The following LARS2 variants were observed in gnomAD, a reference collection of about 807,000 sequenced individuals.
LARS2 encodes leucine--tRNA ligase, mitochondrial.
In LARS2, 81 loss-of-function variants were observed where a neutral mutation model predicts 116.6. The ratio of observed to expected loss-of-function variants is 0.69; its 90% confidence interval spans 0.58 to 0.84. LARS2 has a LOEUF of 0.84. Among genes scored for constraint, LARS2 ranks in the 40% least tolerant of loss-of-function variants. The pLI is 0.00. For missense variants in LARS2, 968 were observed against 1,114.5 expected, an observed-to-expected ratio of 0.87 and a Z score of 1.87; for synonymous variants, 396 against 407.2, an observed-to-expected ratio of 0.97 and a Z score of 0.33.
chr3:45,408,301 C>T (rs530512023), intron 4 of LARS2, among the ~76,000 whole-genome samples: 3 of 152,244 alleles, frequency 2.0e-5, no homozygotes, highest in South Asian at 2.1e-4. Context: ...ATGTGGCTAC[C>T]GGGCCTCACC....
chr3:45,511,808 C>T (rs1285196379), intron 15 of LARS2, among the ~76,000 whole-genome samples: 25 of 123,810 alleles, frequency 2.0e-4, no homozygotes, highest in African/African-American at 6.5e-4. Flanking sequence ...GACAGAGTCT[C>T]GCTCTGTCTC....
At chr3:45,502,371 A>G (rs1700135054) in intron 15 of LARS2, among the ~76,000 whole-genome samples, 1 of 152,032 alleles carries the variant, frequency 6.6e-6, no homozygotes, top group Non-Finnish European at 1.5e-5. Flanking sequence ...TTTGATGAAC[A>G]GAAACTCTTA....
intron 16 of LARS2, among the ~76,000 whole-genome samples, chr3:45,514,717 G>C (rs1700346247): frequency 6.6e-6 from 1 of 152,210 alleles, no homozygotes. Context: ...CCAAACGAGG[G>C]TGACTTTTTC....
At chr3:45,439,252 C>T (rs1401221054) in intron 6 of LARS2, among the ~76,000 whole-genome samples, 4 of 113,408 alleles carry the variant, frequency 3.5e-5, no homozygotes, top group African/African-American at 1.3e-4. Flanking sequence ...GACAGTGTCT[C>T]ACTCCATCGC....
chr3:45,448,833 C>A (rs1699064722), intron 7 of LARS2, among the ~76,000 whole-genome samples: 2 of 152,202 alleles, frequency 1.3e-5, no homozygotes, highest in African/African-American at 4.8e-5. Context: ...TCTGATAAAC[C>A]CACAATCTTC....
intron 20 of LARS2, among the ~76,000 whole-genome samples, chr3:45,525,482 T>C (rs987478622): frequency 6.6e-6 from 1 of 152,164 alleles, no homozygotes; most frequent in Non-Finnish European, 1.5e-5. Flanking sequence ...TCCTAAAACC[T>C]GGGTAAGGAT....
intron 4 of LARS2, among the ~76,000 whole-genome samples, chr3:45,400,679 T>A (rs562682531): frequency 1.3e-5 from 2 of 152,316 alleles, no homozygotes; most frequent in Non-Finnish European, 2.9e-5. Flanking sequence ...TACTCACCCA[T>A]GAGTAGAGAA....
At chr3:45,502,993 G>A (rs1700144455) in intron 15 of LARS2, among the ~76,000 whole-genome samples, 1 of 151,810 alleles carries the variant, frequency 6.6e-6, no homozygotes, top group Non-Finnish European at 1.5e-5. Context: ...CACTCATGAT[G>A]CCTAGTTCTT....
Position 45,488,704 on chromosome 3 carries a change from C to A in LARS2, c.1131C>A (p.Pro377=), listed in dbSNP as rs144183054. 6.2e-7 allele frequency: 1 copy of A among 1,601,310 alleles called. No individual in the cohort carries two copies. Among genetic ancestry groups the A allele is most frequent in the Non-Finnish European group, 8.6e-7 (1 of 1,168,282 alleles). Residue 377 remains proline, a synonymous_variant, in exon 12 of 22, where the codon CCC becomes CCA. Transcript: ENST00000645846. ...EGSLDSKIGI[P]STSSEDTILA... The stretch of plus-strand genomic sequence containing the variant: ...TTCTTCTCCTCTGAATAGGAATTCC[C>A]AGTACTAGCTCAGAGGACACCATCT...
rs773170733 is a variant in LARS2, at chr3:45,517,995, C to T, written c.2137C>T (p.Gln713Ter). 6.2e-7 allele frequency: 1 copy of T among 1,613,692 alleles called. No individual in the cohort carries two copies. The highest frequency in any genetic ancestry group is 1.3e-5 in the African/African-American group (1 of 74,922). The change falls in exon 18 of 22, where the codon CAG becomes TAG. Residue 713 changes from glutamine (Q) to a stop codon, truncating the protein, a stop_gained. Transcript: ENST00000645846. LOFTEE classifies it high-confidence loss of function. Reference protein sequence around the residue: ...IEARASGKSPQPQLLSNKEKA... With the variant: ...IEARASGKSP ...GGCCAGGGCTTCTGGGAAGTCTCCC[C>T]AGCCTCAGCTGCTGAGTAACAAGGA...
At chr3:45,472,926 T>G (rs1699549753) in intron 8 of LARS2, among the ~76,000 whole-genome samples, 1 of 152,258 alleles carries the variant, frequency 6.6e-6, no homozygotes, top group Non-Finnish European at 1.5e-5. Context: ...CTGCAAAGGT[T>G]ATTACTTCCC....
At chr3:45,503,055 C>CT (rs1700146123) in intron 15 of LARS2, among the ~76,000 whole-genome samples, 1 of 149,564 alleles carries the variant, frequency 6.7e-6, no homozygotes, top group African/African-American at 2.5e-5. Context: ...TTCTTGAACC[C>CT]TTTTTTTTTT....
At chr3:45,451,894 T>C (rs911495813) in intron 7 of LARS2, among the ~76,000 whole-genome samples, 1 of 152,166 alleles carries the variant, frequency 6.6e-6, no homozygotes, top group Admixed American at 6.5e-5. Flanking sequence ...TGTTTTATAG[T>C]TTTCCTTAGA....
At chr3:45,455,258 T>C (rs1191102090) in intron 7 of LARS2, among the ~76,000 whole-genome samples, 1 of 152,080 alleles carries the variant, frequency 6.6e-6, no homozygotes, top group Non-Finnish European at 1.5e-5. Context: ...GAAATGTAGA[T>C]AAGAAAATAC....
intron 2 of LARS2, among the ~76,000 whole-genome samples, chr3:45,392,563 G>A (rs372950545): frequency 2.6e-5 from 4 of 151,960 alleles, no homozygotes; most frequent in Admixed American, 1.3e-4. Flanking sequence ...CCAGAATGCT[G>A]GTGTTACAGA....
chr3:45,396,781 G>T (rs1026098860), intron 3 of LARS2, among the ~76,000 whole-genome samples: 6 of 152,204 alleles, frequency 3.9e-5, no homozygotes, highest in African/African-American at 1.4e-4. Flanking sequence ...TCAGAAAAAG[G>T]TTTAGGTAAT....
At chr3:45,526,292 A>G (rs746890465) in intron 20 of LARS2, among the ~76,000 whole-genome samples, 1 of 152,228 alleles carries the variant, frequency 6.6e-6, no homozygotes, top group African/African-American at 2.4e-5. Flanking sequence ...TTTTGTTCCT[A>G]TCAAAAGTTC....
chr3:45,435,200 C>G (rs1180783305), intron 6 of LARS2, among the ~76,000 whole-genome samples: 1 of 152,166 alleles, frequency 6.6e-6, no homozygotes, highest in Non-Finnish European at 1.5e-5. Context: ...TCCTCTGACA[C>G]TGTTTTATCA....
At chr3:45,512,874 A>G (rs904071670) in intron 15 of LARS2, among the ~76,000 whole-genome samples, 6 of 152,218 alleles carry the variant, frequency 3.9e-5, no homozygotes, top group African/African-American at 7.2e-5. Flanking sequence ...TTTTTAGGCC[A>G]GGTGGGGTGG....
Sources: gnomAD v4.1 joint callset for allele counts (sites outside exome capture counted in the v4.1 genomes callset) on GRCh38, gnomAD v4.1.1 for gene constraint, MANE v1.5 for transcripts, NCBI Gene and HGNC (gene_info 2026-07-23, HGNC 2026-07-21) for gene names.